The following CERS5 variants were observed in gnomAD, a reference collection of about 807,000 sequenced individuals.
CERS5 encodes the protein ceramide synthase 5.
In CERS5, 37 loss-of-function variants were observed where a neutral mutation model predicts 58.9. The observed-to-expected ratio is 0.63, with a 90% CI of 0.48 to 0.83. The LOEUF (loss-of-function observed/expected upper bound fraction) is 0.83, where lower values mean the gene tolerates loss of function less well. Ranked by LOEUF, CERS5 falls within the 40% of genes least tolerant of loss-of-function variation. CERS5 has a pLI of 0.00. For synonymous variants in CERS5, 147 were observed against 177.8 expected, an observed-to-expected ratio of 0.83 and a Z score of 1.38; for missense variants, 398 against 489.3, an observed-to-expected ratio of 0.81 and a Z score of 1.76.
At chr12:50,152,978 G>T (rs1938142131) in intron 1 of CERS5, among the ~76,000 whole-genome samples, 1 of 151,984 alleles carries the variant, frequency 6.6e-6, no homozygotes, top group African/African-American at 2.4e-5. Flanking sequence ...GCTGAGGCAG[G>T]AGAATTGCTT....
chr12:50,144,040 C>T lies in CERS5; in HGVS notation c.215G>A (p.Cys72Tyr). ...LLFERFIAKP[C>Y]ALCIGIEDSG... ...GTCCTCGATGCCAATACAGAGTGCA[C>T]AGGGTTTGGCAATAAATCTGTAATG... Residue 72 changes from cysteine to tyrosine, a missense_variant, in exon 2 of 10, where the codon TGT becomes TAT. By Grantham distance (194) the Cys-to-Tyr change is radical (BLOSUM62 -2). This residue lies in a region of CERS5 where 328 missense variants were observed against 384.5 expected (regional missense o/e 0.85). Coordinates refer to ENST00000317551, the MANE Select transcript of CERS5 (RefSeq NM_147190.5). 1.2e-6 allele frequency: 2 copies of T among 1,609,162 alleles called. No homozygotes were observed. The highest frequency in any genetic ancestry group is 1.7e-6 in the Non-Finnish European group (2 of 1,175,598).
At chr12:50,146,115 C>T (rs1022091759) in intron 1 of CERS5, among the ~76,000 whole-genome samples, 3 of 152,164 alleles carry the variant, frequency 2.0e-5, no homozygotes, top group Admixed American at 6.5e-5. Context: ...CAGAGGCAGT[C>T]AGCTGATTAA....
At chr12:50,143,691 G>A (rs1952104497) in intron 2 of CERS5, 4 of 395,928 alleles carry the variant, frequency 1.0e-5, no homozygotes, top group East Asian at 4.3e-5. Context: ...AACCAGATAT[G>A]GTATGTGTCT....
At chr12:50,135,534 T>C in intron 8 of CERS5, 198 bp downstream of exon 8, 1 of 703,802 alleles carries the variant, frequency 1.4e-6, no homozygotes, top group Non-Finnish European at 2.6e-6. Context: ...AGAAATACGG[T>C]CTGAGGCAGC....
At chr12:50,159,309 C>A (rs535959018) in intron 1 of CERS5, among the ~76,000 whole-genome samples, 2 of 151,968 alleles carry the variant, frequency 1.3e-5, no homozygotes, top group Non-Finnish European at 2.9e-5. Flanking sequence ...CGACACAGGG[C>A]GAGACTCTGT....
In CERS5 at chr12:50,154,769, A is replaced by C. The variant is rs182338041; in HGVS notation, c.198-10712T>G. 2.3e-3 allele frequency among the ~76,000 whole-genome samples: 347 copies of C among 152,290 alleles called. 2 individuals are homozygous for C. Among genetic ancestry groups the C allele is most frequent in the Non-Finnish European group, 3.0e-3 (203 of 68,026 alleles). On this transcript the variant is annotated intron_variant, in intron 1 of 9. Coordinates refer to ENST00000317551, the MANE Select transcript of CERS5 (RefSeq NM_147190.5). Reference sequence around the variant, plus strand: ...GGTCTTGAGCTCCTGAGCTCAAGCTATCCTCCTGTCTCTGCCTCCCTAAGT... The same window carrying C: ...GGTCTTGAGCTCCTGAGCTCAAGCTCTCCTCCTGTCTCTGCCTCCCTAAGT...
intron 4 of CERS5, 94 bp downstream of exon 4, chr12:50,141,946 AAAAAAAAAAAAAG>A: frequency 1.4e-6 from 1 of 720,942 alleles, no homozygotes; most frequent in Non-Finnish European, 2.3e-6. Context: ...TCTCAAAAAA[AAAAAAAAAAAAAG>A]AAAAGAAAAA....
chr12:50,142,807 A>G (rs78500253), intron 3 of CERS5, among the ~76,000 whole-genome samples: 1,968 of 152,342 alleles, frequency 0.013, 52 homozygotes, highest in African/African-American at 0.044. Context: ...ATCTACTTAC[A>G]TAAGTACAGT....
chr12:50,144,420 A>G (rs1383953290), intron 1 of CERS5: 1 of 275,170 alleles, frequency 3.6e-6, no homozygotes, highest in Non-Finnish European at 6.9e-6. Context: ...TGTGAGAACC[A>G]CTAATCTACT....
At chr12:50,143,341 T>C in intron 2 of CERS5, 137 bp from the exon 3 acceptor site, 1 of 991,640 alleles carries the variant, frequency 1.0e-6, no homozygotes, top group Non-Finnish European at 1.5e-6. Flanking sequence ...TATCCCAAAG[T>C]CATTTTTAGT....
chr12:50,165,402 G>A (rs576784894), intron 1 of CERS5: 1 of 147,792 alleles, frequency 6.8e-6, no homozygotes, highest in South Asian at 2.1e-4. Context: ...CTGGGCGACA[G>A]AGCGAGACTC....
At position 50,130,695 on chromosome 12, in the gene CERS5, C is replaced by T; in HGVS notation, c.1030-1G>A. On this transcript the variant is annotated splice_acceptor_variant, in intron 9 of 9. Coordinates refer to ENST00000317551, the MANE Select transcript of CERS5 (RefSeq NM_147190.5). LOFTEE classifies it high-confidence loss of function. The stretch of plus-strand genomic sequence containing the variant: ...CATCACTGCGATCATCCTTCGATAC[C>T]TGGGTGGGATGAGACCAAAGACAGA... 6.3e-7 allele frequency: 1 copy of T among 1,581,336 alleles called. No homozygotes were observed.
chr12:50,154,221 C>A, intron 1 of CERS5: 1 of 353,652 alleles, frequency 2.8e-6, no homozygotes, highest in Non-Finnish European at 5.6e-6. Context: ...GGTGCGGTGG[C>A]ACATGCCTGT....
intron 4 of CERS5, among the ~76,000 whole-genome samples, chr12:50,141,485 T>C (rs183347238): frequency 3.7e-4 from 57 of 152,332 alleles, no homozygotes; most frequent in African/African-American, 1.3e-3. Flanking sequence ...TTAAGTATTA[T>C]GCTGATTTAG....
At chr12:50,147,447 A>G (rs1952354758) in intron 1 of CERS5, 1 of 151,678 alleles carries the variant, frequency 6.6e-6, no homozygotes, top group Admixed American at 6.6e-5. Context: ...AGGGTGGTCA[A>G]TTTCCAGAGC....
chr12:50,142,218 A>G, intron 3 of CERS5, 108 bp from the exon 4 acceptor site: 1 of 718,838 alleles, frequency 1.4e-6, no homozygotes, highest in Admixed American at 2.8e-5. Context: ...CTGGTGAGAA[A>G]GAGGATCAAT....
chr12:50,139,825 T>C (rs1043552657), intron 4 of CERS5, among the ~76,000 whole-genome samples: 1 of 152,076 alleles, frequency 6.6e-6, no homozygotes, highest in African/African-American at 2.4e-5. Flanking sequence ...CCCACAAATG[T>C]ATCCATTGTT....
intron 1 of CERS5, among the ~76,000 whole-genome samples, chr12:50,146,846 C>CAAAAAA (rs10714679): frequency 9.5e-6 from 1 of 105,008 alleles, no homozygotes; most frequent in African/African-American, 3.6e-5. Flanking sequence ...GACTCCGTCT[C>CAAAAAA]AAAAAAAAAA....
At chr12:50,161,978 G>A (rs1390081306) in intron 1 of CERS5, among the ~76,000 whole-genome samples, 12 of 142,806 alleles carry the variant, frequency 8.4e-5, no homozygotes, top group Admixed American at 7.4e-5. Context: ...AGGTTCAAGC[G>A]ATTCTCCTGC....
Sources: gnomAD v4.1 joint callset for allele counts (sites outside exome capture counted in the v4.1 genomes callset) on GRCh38, gnomAD v4.1.1 for gene constraint, gnomAD v4.1.1 regional missense constraint, MANE v1.5 for transcripts, NCBI Gene and HGNC (gene_info 2026-07-23, HGNC 2026-07-21) for gene names.